The following PCDHAC2 variants were observed in gnomAD, a reference collection of about 807,000 sequenced individuals.
PCDHAC2 encodes protocadherin alpha-C2.
PCDHAC2 carries 24 observed loss-of-function variants against 63.3 expected under a neutral mutation model. The observed-to-expected ratio is 0.38, with a 90% CI of 0.27 to 0.53. The LOEUF (loss-of-function observed/expected upper bound fraction) is 0.53. Among genes scored for constraint, PCDHAC2 ranks in the 20% least tolerant of loss-of-function variants. The pLI is 0.81. For missense variants in PCDHAC2, 1,181 were observed against 1,275.2 expected (o/e 0.93, Z 1.12); for synonymous variants, 569 against 529.4 (o/e 1.07, Z -1.03).
chr5:140,973,481 G>A (rs537904841), intron 1 of PCDHAC2, among the ~76,000 whole-genome samples: 2 of 152,208 alleles, frequency 1.3e-5, no homozygotes, highest in East Asian at 3.9e-4. Context: ...ATTTCATATT[G>A]GTCACAGGAC....
chr5:140,969,181 T>C lies in PCDHAC2; in HGVS notation c.2415T>C (p.Thr805=), dbSNP rs1554231546. The change falls in exon 1 of 4, where the codon ACT becomes ACC. Residue 805 remains threonine (T), a synonymous_variant. Transcript: ENST00000289269. ...ACLTAGSGSD[T]FMFYNTGAQT... ...TGACAGCAGGCTCAGGGAGTGACAC[T>C]TTCATGTTTTACAATACAGGGGCCC... 2 of 1,613,978 alleles carry C rather than the reference T, an allele frequency of 1.2e-6. No homozygotes were observed. Among genetic ancestry groups the C allele is most frequent in the Non-Finnish European group, 8.5e-7 (1 of 1,179,984 alleles).
Position 140,966,786 on chromosome 5 carries a change from G to A in PCDHAC2, c.20G>A (p.Arg7Lys), listed in dbSNP as rs1554228650. 1.3e-6 allele frequency: 2 copies of A among 1,526,000 alleles called. No individual in the cohort carries two copies. The highest frequency in any genetic ancestry group is 1.9e-5 in the Admixed American group (1 of 51,312). 94.5% of individuals were successfully genotyped at this position (1,526,000 alleles called of 1,614,324 possible). A position where few individuals can be genotyped will look rare whatever the true frequency, so the allele number is the denominator to read the frequency against. MEQAGT[R>K]PAATEHPRLR... The stretch of plus-strand genomic sequence containing the variant: ...GTGGCTATGGAGCAGGCGGGCACCA[G>A]ACCTGCGGCGACAGAGCATCCACGG... The change falls in exon 1 of 4, where the codon AGA (arginine) becomes AAA (lysine). Residue 7 changes from arginine to lysine, a missense_variant. Around this residue, in one of 3 missense-constraint regions of PCDHAC2, gnomAD observed 210 missense variants for 184.9 expected, o/e 1.14. Transcript: ENST00000289269.
chr5:140,990,686 G>A (rs1391341936), intron 3 of PCDHAC2, among the ~76,000 whole-genome samples: 1 of 152,124 alleles, frequency 6.6e-6, no homozygotes, highest in Admixed American at 6.5e-5. Context: ...AGCTGCTTTC[G>A]GAGAGTCCAG....
intron 3 of PCDHAC2, chr5:140,988,770 G>A (rs1388594585): frequency 6.6e-6 from 1 of 152,168 alleles, no homozygotes; most frequent in African/African-American, 2.4e-5. Flanking sequence ...TACAGTCATG[G>A]TTAAGACCAT....
chr5:140,988,818 CCAAA>C (rs1193685505), intron 3 of PCDHAC2: 2 of 152,060 alleles, frequency 1.3e-5, no homozygotes, highest in Non-Finnish European at 2.9e-5. Flanking sequence ...AACAGTAGCC[CCAAA>C]CAGAGATCAC....
At chr5:140,978,788 T>TA (rs2096823213) in intron 1 of PCDHAC2, 161 bp from the exon 2 acceptor site, 1 of 974,810 alleles carries the variant, frequency 1.0e-6, no homozygotes, top group Non-Finnish European at 1.2e-6. Flanking sequence ...TCTAAAGTGC[T>TA]ATATATGTAG....
rs2098417673 is a variant in PCDHAC2, at chr5:141,010,569, T to C, written c.*632T>C. ...AAAACTACCCCCACTGACAAGGCTT[T>C]AGGAGACCCTAAAGTCTGTTGGCTG... On this transcript the variant is annotated 3_prime_UTR_variant, in exon 4 of 4. Transcript: ENST00000289269. 1.4e-5 allele frequency: 4 copies of C among 283,140 alleles called. No individual in the cohort carries two copies. The South Asian group carries it at 2.4e-4, about 17-fold the overall frequency. The allele number at this position is 283,140 out of a possible 1,614,324, so 17.5% of individuals were successfully genotyped here.
chr5:141,001,401 G>A (rs190876782), intron 3 of PCDHAC2, among the ~76,000 whole-genome samples: 12 of 152,314 alleles, frequency 7.9e-5, no homozygotes, highest in African/African-American at 2.4e-4. Context: ...AGAGAACAGG[G>A]AGTATATTTT....
At chr5:140,991,026 T>A (rs1003749305) in intron 3 of PCDHAC2, among the ~76,000 whole-genome samples, 8 of 152,210 alleles carry the variant, frequency 5.3e-5, no homozygotes, top group Admixed American at 2.0e-4. Context: ...ACTTTACATA[T>A]GTTGCATACT....
chr5:140,989,387 T>A (rs1269344397), intron 3 of PCDHAC2, among the ~76,000 whole-genome samples: 2 of 152,122 alleles, frequency 1.3e-5, no homozygotes, highest in Non-Finnish European at 2.9e-5. Context: ...GTGGGAAAGA[T>A]GATATGGAGG....
chr5:140,977,364 A>G (rs967972541), intron 1 of PCDHAC2, among the ~76,000 whole-genome samples: 2 of 152,206 alleles, frequency 1.3e-5, no homozygotes, highest in African/African-American at 4.8e-5. Flanking sequence ...GATAAAAAGT[A>G]TTTTAGTCAT....
intron 3 of PCDHAC2, among the ~76,000 whole-genome samples, chr5:140,985,013 C>T (rs1022576947): frequency 8.6e-5 from 13 of 152,046 alleles, no homozygotes; most frequent in Non-Finnish European, 1.3e-4. Context: ...TATCGGCTCA[C>T]AGCAACCTCT....
chr5:140,994,412 G>C (rs1412198813), intron 3 of PCDHAC2, among the ~76,000 whole-genome samples: 1 of 152,068 alleles, frequency 6.6e-6, no homozygotes, highest in Non-Finnish European at 1.5e-5. Flanking sequence ...ATTTAATACT[G>C]GATATTGAGG....
At position 140,967,795 on chromosome 5, in the gene PCDHAC2, G is replaced by A. The variant is rs1399903836; in HGVS notation, c.1029G>A (p.Val343=). 3.1e-6 allele frequency: 5 copies of A among 1,614,068 alleles called. No individual in the cohort carries two copies. The highest frequency in any genetic ancestry group is 1.7e-6 in the Non-Finnish European group (2 of 1,180,042). ...TGCAGGCGACTGACCGGGGTCCAGT[G>A]CCCATGGCAGGTCACTGCAAGGTGC... is the stretch of plus-strand genomic sequence containing the variant. ...IYVQATDRGP[V]PMAGHCKVLV... is the part of the protein sequence containing the mutation. The change falls in exon 1 of 4, where the codon GTG becomes GTA. Residue 343 remains valine (V), a synonymous_variant. Transcript: ENST00000289269.
rs901766941 is a variant in PCDHAC2 at position 140,982,266 on chromosome 5, G to A, written c.2625-209G>A. The A allele has an allele frequency of 6.1e-5, 54 of 879,038 alleles. No homozygotes were observed. In the African/African-American group the frequency reaches 7.6e-4, roughly 12 times the overall value. The allele number at this position is 879,038 out of a possible 1,614,324, so 54.5% of individuals were successfully genotyped here. ...TAAAGATAGAACATGTGTGTTCCTG[G>A]AATAGTATAGCAGGCAATAAGTAAG... On this transcript the variant is annotated intron_variant, in intron 2 of 3. Coordinates refer to ENST00000289269, the MANE Select transcript of PCDHAC2 (RefSeq NM_018899.6).
At chr5:140,992,533 C>T (rs1292844643) in intron 3 of PCDHAC2, among the ~76,000 whole-genome samples, 1 of 152,188 alleles carries the variant, frequency 6.6e-6, no homozygotes, top group Non-Finnish European at 1.5e-5. Context: ...GGAAAAGTCA[C>T]TGTCACAAGT....
chr5:140,988,324 C>T (rs2097292768), intron 3 of PCDHAC2, among the ~76,000 whole-genome samples: 1 of 152,206 alleles, frequency 6.6e-6, no homozygotes, highest in African/African-American at 2.4e-5. Flanking sequence ...CTTTCTCTAC[C>T]CGAGGAAAGT....
chr5:140,984,861 C>A (rs1163314869), intron 3 of PCDHAC2, among the ~76,000 whole-genome samples: 1 of 151,870 alleles, frequency 6.6e-6, no homozygotes, highest in Non-Finnish European at 1.5e-5. Flanking sequence ...ATAATAACAC[C>A]TATTTTATTG....
chr5:140,979,074 C>T, intron 2 of PCDHAC2, 67 bp downstream of exon 2: 4 of 1,583,968 alleles, frequency 2.5e-6, no homozygotes, highest in Non-Finnish European at 2.6e-6. Context: ...TAAACTGCAT[C>T]TCCATAGGCC....
Sources: allele counts gnomAD v4.1 joint callset (sites outside exome capture counted in the v4.1 genomes callset), GRCh38; gene constraint gnomAD v4.1.1; regional missense constraint gnomAD v4.1.1; transcripts MANE v1.5; gene names NCBI Gene and HGNC (gene_info 2026-07-23, HGNC 2026-07-21).